Variants in LVRN observed in about 807,000 individuals in gnomAD.
The protein encoded by LVRN is aminopeptidase Q.
LVRN carries 99 observed loss-of-function variants against 111.4 expected under a neutral mutation model. That is an observed-to-expected ratio of 0.89 (90% confidence interval 0.76 to 1.05). LVRN has a LOEUF of 1.05. Among genes scored for constraint, LVRN ranks in the 50% least tolerant of loss-of-function variants. The pLI is 0.00. For synonymous variants in LVRN, 488 were observed against 449.5 expected (o/e 1.09, Z -1.08); for missense variants, 1,414 against 1,206.8 (o/e 1.17, Z -2.54).
At chr5:116,002,946 A>G (rs1264816099) in intron 11 of LVRN, 35 bp downstream of exon 11, 6 of 1,430,798 alleles carry the variant, frequency 4.2e-6, no homozygotes, top group Non-Finnish European at 5.8e-6. Flanking sequence ...CTTTATATAT[A>G]TGCATATGTA....
At chr5:116,010,703 GA>G in intron 13 of LVRN, 37 bp from the exon 14 acceptor site, 4 of 1,566,846 alleles carry the variant, frequency 2.6e-6, no homozygotes, top group Non-Finnish European at 3.5e-6. Context: ...CTTAGCAAGT[GA>G]AGGTTTTTTG....
In LVRN at chr5:115,983,158, A is replaced by G. The variant is rs921057431; in HGVS notation, c.696-129A>G. The G allele has an allele frequency of 1.2e-5, 12 of 961,484 alleles. No individual in the cohort carries two copies. In the African/African-American group the frequency reaches 1.7e-4, roughly 13 times the overall value. The allele number at this position is 961,484 out of a possible 1,614,324, so 59.6% of individuals were successfully genotyped here. The stretch of plus-strand genomic sequence containing the variant: ...AGTGTGTTGGTGTGATGGGATGGGC[A>G]GTGAGGAAGATGAGAGGAAATTTCC... On this transcript the variant is annotated intron_variant, in intron 1 of 19. Transcript: ENST00000357872.
chr5:116,016,897 G>A (rs905468491), intron 18 of LVRN, among the ~76,000 whole-genome samples: 1 of 152,062 alleles, frequency 6.6e-6, no homozygotes, highest in African/African-American at 2.4e-5. Flanking sequence ...TTTAGGCCTT[G>A]TTTTCTTCTC....
intron 13 of LVRN, among the ~76,000 whole-genome samples, chr5:116,008,603 A>AATGAT (rs150997120): frequency 7.9e-5 from 9 of 114,084 alleles, no homozygotes; most frequent in Middle Eastern, 8.6e-3. Flanking sequence ...TACATGAATG[A>AATGAT]TTAAAAAAAA....
intron 4 of LVRN, 121 bp downstream of exon 4, chr5:115,988,060 G>C (rs1340548005): frequency 7.4e-7 from 1 of 1,354,570 alleles, no homozygotes; most frequent in African/African-American, 1.5e-5. Flanking sequence ...TGCTGGTTTG[G>C]AGTTAGCCTC....
At chr5:115,975,284 T>C (rs1753417833) in intron 1 of LVRN, 21 of 369,318 alleles carry the variant, frequency 5.7e-5, no homozygotes, top group Non-Finnish European at 1.0e-4. Context: ...TAGGTTACAC[T>C]TCTCAGGCTG....
At chr5:116,005,791 G>T in intron 12 of LVRN, 121 bp from the exon 13 acceptor site, 1 of 768,728 alleles carries the variant, frequency 1.3e-6, no homozygotes. Flanking sequence ...CTCTGCAGAT[G>T]AGATAAGTCA....
In LVRN at chr5:116,000,613, C is replaced by A. The variant is rs1489199383; in HGVS notation, c.1602C>A (p.Ser534=). The stretch of plus-strand genomic sequence containing the variant: ...TACAGTCATATTTGAAGACATTTTC[C>A]TACTCAAACGCTGAGCAAGATGATC... ...SALKSYLKTF[S]YSNAEQDDLW... Residue 534 remains serine (S), a synonymous_variant, in exon 9 of 20, where the codon TCC becomes TCA. Transcript: ENST00000357872. The A allele has an allele frequency of 1.2e-6, 2 of 1,613,954 alleles. No homozygotes were observed. The highest frequency in any genetic ancestry group is 1.7e-6 in the Non-Finnish European group (2 of 1,179,926).
chr5:116,003,844 G>C (rs1002053329), intron 12 of LVRN, among the ~76,000 whole-genome samples: 1 of 152,142 alleles, frequency 6.6e-6, no homozygotes, highest in Non-Finnish European at 1.5e-5. Context: ...GCCTCTCAAA[G>C]TGCTGGGATT....
rs368767186 is a variant in LVRN at position 115,963,060 on chromosome 5, G to T, written c.443G>T (p.Ser148Ile). 6.2e-7 allele frequency: 1 copy of T among 1,613,424 alleles called. No homozygotes were observed. The highest frequency in any genetic ancestry group is 8.5e-7 in the Non-Finnish European group (1 of 1,179,914). The stretch of plus-strand genomic sequence containing the variant: ...GCCACCTCTCGACTGCTGCTGCATA[G>T]CCTCTTCCAGGACTGCGAGCGCGCC... ...TVATSRLLLH[S>I]LFQDCERAEV... The change falls in exon 1 of 20, where the codon AGC becomes ATC. Residue 148 changes from serine (S) to isoleucine (I), a missense_variant. Ser to Ile is a moderately radical substitution (Grantham distance 142). Coordinates refer to ENST00000357872, the MANE Select transcript of LVRN (RefSeq NM_173800.5).
Position 116,003,666 on chromosome 5 carries a change from C to T in LVRN, c.2037+286C>T, listed in dbSNP as rs1748292023. 2.0e-5 allele frequency among the ~76,000 whole-genome samples: 3 copies of T among 151,572 alleles called. 1 individual carries two copies. In the Middle Eastern group the frequency reaches 0.01, roughly 523 times the overall value. On this transcript the variant is annotated intron_variant, in intron 12 of 19. Coordinates refer to ENST00000357872, the MANE Select transcript of LVRN (RefSeq NM_173800.5). ...ACGCGATCTCGGCTCACTGCAAGCT[C>T]CGCCTCCCGGGTTCACGCCATTCTC...
chr5:115,997,278 C>T (rs1342049782), intron 6 of LVRN, among the ~76,000 whole-genome samples: 2 of 152,158 alleles, frequency 1.3e-5, no homozygotes, highest in African/African-American at 4.8e-5. Flanking sequence ...GATTCGTACA[C>T]AGGCACTTTA....
intron 13 of LVRN, among the ~76,000 whole-genome samples, chr5:116,009,864 G>A (rs961218359): frequency 5.3e-5 from 8 of 152,146 alleles, no homozygotes; most frequent in Non-Finnish European, 1.2e-4. Context: ...TGACAACAAA[G>A]GATTGAGAAT....
At chr5:115,982,866 GA>G (rs10706926) in intron 1 of LVRN, among the ~76,000 whole-genome samples, 17,618 of 151,518 alleles carry the variant, frequency 0.12, 1,575 homozygotes, top group East Asian at 0.27. Context: ...GTGAGAAAAA[GA>G]AAAAAAATAG....
intron 1 of LVRN, among the ~76,000 whole-genome samples, chr5:115,982,859 A>G (rs944370546): frequency 1.4e-5 from 2 of 148,070 alleles, no homozygotes; most frequent in Admixed American, 1.4e-4. Context: ...GAGGCATGTG[A>G]GAAAAAGAAA....
intron 12 of LVRN, among the ~76,000 whole-genome samples, chr5:116,005,403 A>G (rs935515613): frequency 1.3e-5 from 2 of 152,246 alleles, no homozygotes; most frequent in Non-Finnish European, 1.5e-5. Context: ...GGCCCCTGCC[A>G]TTCCATGGAT....
chr5:115,980,960 A>G (rs1753548904), intron 1 of LVRN, among the ~76,000 whole-genome samples: 1 of 152,092 alleles, frequency 6.6e-6, no homozygotes, highest in Non-Finnish European at 1.5e-5. Context: ...TAGAGTTCTG[A>G]GTGGCCTTAG....
At chr5:115,989,554 G>A (rs1295680270) in intron 4 of LVRN, among the ~76,000 whole-genome samples, 1 of 152,166 alleles carries the variant, frequency 6.6e-6, no homozygotes, top group Admixed American at 6.6e-5. Context: ...AGACCTCGGA[G>A]TTAGGATCTG....
At chr5:116,024,398 G>A (rs1398890773) in intron 19 of LVRN, among the ~76,000 whole-genome samples, 2 of 152,224 alleles carry the variant, frequency 1.3e-5, no homozygotes, top group East Asian at 1.9e-4. Flanking sequence ...AAAAAAAAAG[G>A]ACAAGTAGAC....
Sources: allele counts gnomAD v4.1 joint callset (sites outside exome capture counted in the v4.1 genomes callset), GRCh38; gene constraint gnomAD v4.1.1; transcripts MANE v1.5; gene names NCBI Gene and HGNC (gene_info 2026-07-23, HGNC 2026-07-21).